Variants in KDM4C observed in about 807,000 individuals in gnomAD.
KDM4C encodes lysine-specific demethylase 4C.
In KDM4C, 81 loss-of-function variants were observed where a neutral mutation model predicts 129.3. The observed-to-expected ratio is 0.63, with a 90% confidence interval of 0.52 to 0.75. The LOEUF (loss-of-function observed/expected upper bound fraction) is 0.75, where lower values mean the gene tolerates loss of function less well. Ranked by LOEUF, KDM4C falls within the 30% of genes least tolerant of loss-of-function variation. KDM4C has a pLI of 0.00. For missense variants in KDM4C, 1,457 were observed against 1,304.0 expected (o/e 1.12, Z -1.81); for synonymous variants, 573 against 456.1 (o/e 1.26, Z -3.26).
chr9:6,723,083 G>A (rs781102635), intron 1 of KDM4C, among the ~76,000 whole-genome samples: 1 of 152,122 alleles, frequency 6.6e-6, no homozygotes, highest in Non-Finnish European at 1.5e-5. Context: ...CCTGAATGGT[G>A]TCTTAGTTGT....
Position 7,036,771 on chromosome 9 carries a change from C to T in KDM4C, c.2260-10091C>T, listed in dbSNP as rs546857631. Among the ~76,000 whole-genome samples, 43 of 152,240 alleles carry T rather than the reference C, an allele frequency of 2.8e-4. No individual in the cohort carries two copies. In the South Asian group the frequency reaches 8.3e-3, roughly 29 times the overall value. On this transcript the variant is annotated intron_variant, in intron 15 of 21. Transcript: ENST00000381309. ...TCACTTAAAAGATTTGTCTGCACCA[C>T]CCCCCGATATAAGTCAACTGTGAGG...
chr9:6,970,724 G>A (rs945020259), intron 8 of KDM4C, among the ~76,000 whole-genome samples: 10 of 152,130 alleles, frequency 6.6e-5, no homozygotes, highest in African/African-American at 2.2e-4. Flanking sequence ...TTGGACAAAG[G>A]GAAGGAGAAA....
chr9:6,828,071 G>C (rs1163376290), intron 4 of KDM4C, among the ~76,000 whole-genome samples: 1 of 152,220 alleles, frequency 6.6e-6, no homozygotes, highest in Non-Finnish European at 1.5e-5. Flanking sequence ...AGCCCATGTG[G>C]TTGTTGCCCC....
chr9:6,721,468 G>C, intron 1 of KDM4C, among the ~76,000 whole-genome samples: 1 of 151,598 alleles, frequency 6.6e-6, no homozygotes, highest in Non-Finnish European at 1.5e-5. Flanking sequence ...ATTTTTAGTA[G>C]AGACAGGGTT....
intron 15 of KDM4C, among the ~76,000 whole-genome samples, chr9:7,034,740 G>T (rs1827344926): frequency 6.6e-6 from 1 of 152,090 alleles, no homozygotes; most frequent in Non-Finnish European, 1.5e-5. Flanking sequence ...GTAGTTTTTT[G>T]AAGAAACTTC....
At chr9:7,064,895 A>C (rs1208154505) in intron 17 of KDM4C, among the ~76,000 whole-genome samples, 1 of 152,190 alleles carries the variant, frequency 6.6e-6, no homozygotes, top group Non-Finnish European at 1.5e-5. Flanking sequence ...CTATCACCCC[A>C]TTCCCCTTTT....
At chr9:7,153,048 C>T (rs545608714) in intron 19 of KDM4C, among the ~76,000 whole-genome samples, 5 of 152,274 alleles carry the variant, frequency 3.3e-5, no homozygotes, top group African/African-American at 1.2e-4. Flanking sequence ...AGAAATTTTA[C>T]AGTTTCTCCC....
chr9:6,916,800 T>G (rs1023297908), intron 8 of KDM4C, among the ~76,000 whole-genome samples: 3 of 152,224 alleles, frequency 2.0e-5, no homozygotes, highest in Non-Finnish European at 4.4e-5. Context: ...ACCTTCTTGT[T>G]TTTAGAAATT....
intron 4 of KDM4C, among the ~76,000 whole-genome samples, chr9:6,843,548 G>C (rs1394891074): frequency 6.6e-6 from 1 of 152,158 alleles, no homozygotes; most frequent in Non-Finnish European, 1.5e-5. Flanking sequence ...GTCCTTTCAA[G>C]GTAGCCACAG....
intron 8 of KDM4C, among the ~76,000 whole-genome samples, chr9:6,953,627 A>C (rs1003070623): frequency 2.6e-5 from 4 of 152,158 alleles, no homozygotes; most frequent in African/African-American, 7.2e-5. Flanking sequence ...TCAGTGTACC[A>C]TGTTATACAA....
At chr9:7,068,018 G>T (rs923084866) in intron 17 of KDM4C, among the ~76,000 whole-genome samples, 1 of 152,048 alleles carries the variant, frequency 6.6e-6, no homozygotes, top group Non-Finnish European at 1.5e-5. Flanking sequence ...GGATGGTCTC[G>T]ATCTCCTGAC....
intron 19 of KDM4C, among the ~76,000 whole-genome samples, chr9:7,132,591 C>G (rs1413104830): frequency 6.6e-6 from 1 of 152,230 alleles, no homozygotes; most frequent in African/African-American, 2.4e-5. Context: ...TACACACCTC[C>G]ATCTGTCAGT....
At chr9:7,062,386 C>G (rs771848603) in intron 17 of KDM4C, among the ~76,000 whole-genome samples, 10 of 151,340 alleles carry the variant, frequency 6.6e-5, no homozygotes, top group Non-Finnish European at 1.3e-4. Context: ...TCTTTCCTTT[C>G]TTTTTACTTG....
Position 6,849,625 on chromosome 9 carries a change from C to G in KDM4C, c.554C>G (p.Thr185Ser), listed in dbSNP as rs1400155031. Residue 185 changes from threonine to serine, a missense_variant, in exon 5 of 22, where the codon ACC (threonine) becomes AGC (serine). By Grantham distance (58) the Thr-to-Ser change is moderately conservative. Coordinates refer to ENST00000381309, the MANE Select transcript of KDM4C (RefSeq NM_015061.6). ...TPYLYFGMWKTTFAWHTEDMD... is the reference protein window; with the variant it reads ...TPYLYFGMWKSTFAWHTEDMD... ...TATCTCTATTTTGGCATGTGGAAGA[C>G]CACGTTTGCATGGCACACCGAAGAC... The G allele has an allele frequency of 1.2e-6, 2 of 1,613,808 alleles. No individual in the cohort carries two copies. Among genetic ancestry groups the G allele is most frequent in the African/African-American group, 1.3e-5 (1 of 75,004 alleles).
chr9:6,861,329 C>G (rs1475737364), intron 5 of KDM4C, among the ~76,000 whole-genome samples: 1 of 152,154 alleles, frequency 6.6e-6, no homozygotes, highest in Non-Finnish European at 1.5e-5. Flanking sequence ...GGTATCACAA[C>G]TTGTATGTCA....
intron 1 of KDM4C, among the ~76,000 whole-genome samples, chr9:6,737,147 T>G (rs1171321637): frequency 1.5e-5 from 2 of 131,320 alleles, no homozygotes; most frequent in Non-Finnish European, 3.3e-5. Context: ...AACAAACAAA[T>G]AAATATAATT....
At chr9:6,878,833 C>G (rs1001511472) in intron 5 of KDM4C, among the ~76,000 whole-genome samples, 1 of 151,336 alleles carries the variant, frequency 6.6e-6, no homozygotes, top group Admixed American at 6.6e-5. Flanking sequence ...ACACCCACAC[C>G]CCTTTTCTGG....
At position 6,760,820 on chromosome 9, in the gene KDM4C, C is replaced by A. The variant is rs181518944; in HGVS notation, c.-18+2617C>A. On this transcript the variant is annotated intron_variant, in intron 1 of 21. Transcript: ENST00000381309. ...ATCTCCTGACCTCGTGATCTGCCCACCTCAGCCTCCCAAAGTGCTGGGATT... is the reference window on the plus strand; with the variant it reads ...ATCTCCTGACCTCGTGATCTGCCCAACTCAGCCTCCCAAAGTGCTGGGATT... Among the ~76,000 whole-genome samples, 742 of 151,990 alleles carry A rather than the reference C, an allele frequency of 4.9e-3. 6 individuals carry two copies. Among genetic ancestry groups the A allele is most frequent in the Non-Finnish European group, 7.3e-3 (499 of 67,998 alleles).
chr9:6,835,642 A>G (rs1412687194), intron 4 of KDM4C: 1 of 783,038 alleles, frequency 1.3e-6, no homozygotes, highest in Non-Finnish European at 2.3e-6. Flanking sequence ...AGAAAACAAG[A>G]TGAGATTGGC....
Sources: gnomAD v4.1 joint callset for allele counts (sites outside exome capture counted in the v4.1 genomes callset) on GRCh38, gnomAD v4.1.1 for gene constraint, MANE v1.5 for transcripts, NCBI Gene and HGNC (gene_info 2026-07-23, HGNC 2026-07-21) for gene names.